ATXN2: variants seen among roughly 807,000 people sequenced by gnomAD.
The protein encoded by ATXN2 is ataxin-2.
In ATXN2, 37 loss-of-function variants were observed where a neutral mutation model predicts 138.6. That is an observed-to-expected ratio of 0.27 (90% confidence interval 0.21 to 0.35). The LOEUF (loss-of-function observed/expected upper bound fraction) is 0.35, where lower values mean the gene tolerates loss of function less well. Ranked by LOEUF, ATXN2 falls within the 10% of genes least tolerant of loss-of-function variation. The pLI, the probability that ATXN2 is intolerant of heterozygous loss-of-function variation, is 1.00. For missense variants in ATXN2, 1,216 were observed against 1,480.3 expected (o/e 0.82, Z 2.93); for synonymous variants, 549 against 543.7 (o/e 1.01, Z -0.13).
chr12:111,483,273 T>G (rs1877389748), intron 18 of ATXN2, among the ~76,000 whole-genome samples: 1 of 151,152 alleles, frequency 6.6e-6, no homozygotes, highest in Non-Finnish European at 1.5e-5. Context: ...GGAAATCTTA[T>G]TAATTCAGGA....
intron 18 of ATXN2, among the ~76,000 whole-genome samples, chr12:111,483,095 G>A (rs1164869715): frequency 6.6e-6 from 1 of 151,710 alleles, no homozygotes; most frequent in African/African-American, 2.4e-5. Flanking sequence ...ACTGAGAAGG[G>A]AGGATCGCTT....
rs564202543 is a variant in ATXN2, at chr12:111,564,571, T to C, written c.252-8652A>G. Among the ~76,000 whole-genome samples the C allele has an allele frequency of 7.5e-4, 114 of 151,824 alleles. 2 individuals carry two copies. The South Asian group carries it at 0.024, about 31-fold the overall frequency. On this transcript the variant is annotated intron_variant, in intron 1 of 24. Transcript: ENST00000673436. ...TTACCTGAGACTTTACATAAAAAGT[T>C]TGCCCATCCTCACACTGAAGAAAAA...
At chr12:111,595,656 A>C (rs1370153880) in intron 1 of ATXN2, among the ~76,000 whole-genome samples, 1 of 152,034 alleles carries the variant, frequency 6.6e-6, no homozygotes, top group East Asian at 1.9e-4. Context: ...AAAAAAAAAA[A>C]ATTTACATTT....
chr12:111,573,716 G>T (rs951710040), intron 1 of ATXN2, among the ~76,000 whole-genome samples: 1 of 152,060 alleles, frequency 6.6e-6, no homozygotes, highest in Admixed American at 6.6e-5. Flanking sequence ...CTGGGCTGTT[G>T]TAAGGCTTAA....
At chr12:111,479,209 G>A (rs1877036437) in intron 18 of ATXN2, 1 of 307,492 alleles carries the variant, frequency 3.3e-6, no homozygotes, top group Non-Finnish European at 5.9e-6. Context: ...CTAGTAATGG[G>A]TAAATTAACT....
chr12:111,592,501 G>A (rs866524879), intron 1 of ATXN2, among the ~76,000 whole-genome samples: 5 of 151,466 alleles, frequency 3.3e-5, no homozygotes, highest in Non-Finnish European at 5.9e-5. Flanking sequence ...ATACGGCAGC[G>A]GCCAAGCACG....
At chr12:111,574,132 C>G (rs1883493763) in intron 1 of ATXN2, among the ~76,000 whole-genome samples, 1 of 151,076 alleles carries the variant, frequency 6.6e-6, no homozygotes. Flanking sequence ...ACAGTGAAAC[C>G]TCATCTCTAC....
rs1218366605 is a variant in ATXN2, at chr12:111,570,129, A to G, written c.252-14210T>C. 2.0e-5 allele frequency among the ~76,000 whole-genome samples: 3 copies of G among 152,206 alleles called. No homozygotes were observed. The South Asian group carries it at 6.2e-4, about 31-fold the overall frequency. ...CCATTCCCATCTTCTCGAGTTCTCC[A>G]GACAGTAAGCCACCCCCTTCCACGG... On this transcript the variant is annotated intron_variant, in intron 1 of 24. Transcript: ENST00000673436.
intron 5 of ATXN2, among the ~76,000 whole-genome samples, chr12:111,535,079 T>C (rs918077876): frequency 2.6e-5 from 4 of 152,196 alleles, no homozygotes; most frequent in Non-Finnish European, 5.9e-5. Context: ...TAAGCCATGA[T>C]GGCGCCACTG....
intron 14 of ATXN2, among the ~76,000 whole-genome samples, chr12:111,501,005 T>A (rs1878731249): frequency 1.3e-5 from 2 of 151,866 alleles, no homozygotes; most frequent in Non-Finnish European, 2.9e-5. Flanking sequence ...ACTGAGGGAG[T>A]ACAATTGCAA....
chr12:111,519,461 T>A (rs776205237), intron 8 of ATXN2, among the ~76,000 whole-genome samples: 6 of 152,204 alleles, frequency 3.9e-5, no homozygotes, highest in Non-Finnish European at 7.3e-5. Context: ...AAAGACCCTA[T>A]TATCTTATCA....
intron 16 of ATXN2, 47 bp from the exon 17 acceptor site, chr12:111,485,912 C>A (rs1408248232): frequency 1.3e-6 from 2 of 1,560,388 alleles, no homozygotes; most frequent in East Asian, 2.3e-5. Context: ...AACAGATGAA[C>A]TATTATTGCA....
At chr12:111,539,420 A>C (rs754411325) in intron 5 of ATXN2, among the ~76,000 whole-genome samples, 1 of 150,228 alleles carries the variant, frequency 6.7e-6, no homozygotes, top group East Asian at 1.9e-4. Context: ...TTCTTTATAA[A>C]AGGTACTATT....
chr12:111,505,627 A>G (rs1397806995), intron 14 of ATXN2, among the ~76,000 whole-genome samples: 2 of 152,242 alleles, frequency 1.3e-5, no homozygotes, highest in African/African-American at 4.8e-5. Flanking sequence ...ACTGCACATT[A>G]AAGCCACAAT....
In ATXN2 at chr12:111,488,709, T is replaced by G; in HGVS notation, c.2007A>C (p.Arg669Ser). 1 of 1,611,444 alleles carries G rather than the reference T, an allele frequency of 6.2e-7. No individual in the cohort carries two copies. Among genetic ancestry groups the G allele is most frequent in the Non-Finnish European group, 8.5e-7 (1 of 1,178,296 alleles). ...LNKNREGEKSRDLIKDKIEPS... is the reference protein window; with the variant it reads ...LNKNREGEKSSDLIKDKIEPS... ...GTTCAATTTTGTCTTTGATCAAATC[T>G]CTTGATTTTTCTCCCTCTCTATTTT... The change falls in exon 15 of 25, where the codon AGA becomes AGC. Residue 669 changes from arginine to serine, a missense_variant. Coordinates refer to ENST00000673436, the MANE Select transcript of ATXN2 (RefSeq NM_001372574.1).
chr12:111,583,704 T>C (rs535773198), intron 1 of ATXN2, among the ~76,000 whole-genome samples: 11 of 137,470 alleles, frequency 8.0e-5, no homozygotes, highest in Non-Finnish European at 4.6e-5. Flanking sequence ...GAGGTGGAGG[T>C]TGCAGTGAGC....
chr12:111,481,454 A>C (rs1278821445), intron 18 of ATXN2, among the ~76,000 whole-genome samples: 1 of 151,756 alleles, frequency 6.6e-6, no homozygotes, highest in East Asian at 2.0e-4. Flanking sequence ...AAAAACAAAA[A>C]ACCACAATGA....
At chr12:111,579,758 G>A (rs7298107) in intron 1 of ATXN2, among the ~76,000 whole-genome samples, 15,018 of 150,826 alleles carry the variant, frequency 0.1, 2,521 homozygotes, top group African/African-American at 0.35. Context: ...GAGTGCAGTG[G>A]CGTGTTCTTG....
intron 14 of ATXN2, among the ~76,000 whole-genome samples, chr12:111,503,947 G>A (rs956641041): frequency 6.6e-6 from 1 of 152,070 alleles, no homozygotes; most frequent in Non-Finnish European, 1.5e-5. Flanking sequence ...ATGGATCAAG[G>A]AGTTATTAGT....
Sources: gnomAD v4.1 joint callset for allele counts (sites outside exome capture counted in the v4.1 genomes callset) on GRCh38, gnomAD v4.1.1 for gene constraint, MANE v1.5 for transcripts, NCBI Gene and HGNC (gene_info 2026-07-23, HGNC 2026-07-21) for gene names.